Variants in TNR observed in about 807,000 individuals in gnomAD.
TNR encodes the protein tenascin R.
TNR carries 45 observed loss-of-function variants against 150.4 expected under a neutral mutation model. The ratio of observed to expected loss-of-function variants is 0.30; its 90% CI spans 0.24 to 0.38. The LOEUF is 0.38. Among genes scored for constraint, TNR ranks in the 10% least tolerant of loss-of-function variants. TNR has a pLI of 1.00. For missense variants in TNR, 1,544 were observed against 1,759.1 expected (o/e 0.88, Z 2.19); for synonymous variants, 687 against 678.4 (o/e 1.01, Z -0.20).
chr1:175,584,980 T>C (rs2102231717), intron 1 of TNR, among the ~76,000 whole-genome samples: 1 of 152,336 alleles, frequency 6.6e-6, no homozygotes, highest in South Asian at 2.1e-4. Flanking sequence ...CAGGGGTGTG[T>C]CTGCACGTCA....
chr1:175,648,854 CA>C (rs1444797653), intron 1 of TNR, among the ~76,000 whole-genome samples: 1 of 152,184 alleles, frequency 6.6e-6, no homozygotes, highest in Non-Finnish European at 1.5e-5. Flanking sequence ...TCTCAGGAGC[CA>C]CCCTTGCTAT....
intron 2 of TNR, among the ~76,000 whole-genome samples, chr1:175,506,035 G>C (rs1165437183): frequency 1.3e-5 from 2 of 152,236 alleles, no homozygotes; most frequent in Non-Finnish European, 2.9e-5. Flanking sequence ...GTGAGACTCT[G>C]TCTCAGAAAC....
chr1:175,552,199 T>C (rs1314959968), intron 1 of TNR, among the ~76,000 whole-genome samples: 11 of 152,204 alleles, frequency 7.2e-5, no homozygotes, highest in African/African-American at 1.9e-4. Flanking sequence ...CTATCTAATT[T>C]ACACAGTACC....
chr1:175,386,078 G>A lies in TNR; in HGVS notation c.1731C>T (p.Val577=). 2.5e-6 allele frequency: 4 copies of A among 1,610,254 alleles called. No individual in the cohort carries two copies. The highest frequency in any genetic ancestry group is 3.4e-6 in the Non-Finnish European group (4 of 1,177,140). ...CAGAATCGCTCTCGTTGGTCCCTCGGACGGCACTGACTGACACCTCGTATC... is the reference window on the plus strand; with the variant it reads ...CAGAATCGCTCTCGTTGGTCCCTCGAACGGCACTGACTGACACCTCGTATC... ...GSRYEVSVSA[V]RGTNESDSAT... Residue 577 remains valine, a synonymous_variant, in exon 8 of 23, where the codon GTC becomes GTT. Transcript: ENST00000367674.
At chr1:175,468,108 G>C (rs1657112428) in intron 2 of TNR, among the ~76,000 whole-genome samples, 1 of 152,178 alleles carries the variant, frequency 6.6e-6, no homozygotes, top group Non-Finnish European at 1.5e-5. Flanking sequence ...AGTGGGACAG[G>C]GTGTCTTGAT....
In TNR at chr1:175,462,632, T is replaced by C. The variant is rs61808379; in HGVS notation, c.-63-55855A>G. ...TTGGATTCTGCAGTAAAACAAGCAGTCTCAATATTTGGGTTCACTGGGAAC... is the reference window on the plus strand; with the variant it reads ...TTGGATTCTGCAGTAAAACAAGCAGCCTCAATATTTGGGTTCACTGGGAAC... On this transcript the variant is annotated intron_variant, in intron 2 of 22. Transcript: ENST00000367674. Among the ~76,000 whole-genome samples the C allele has an allele frequency of 8.6e-3, 1,312 of 152,288 alleles. 16 individuals are homozygous for C. The highest frequency in any genetic ancestry group is 0.046 in the South Asian group (219 of 4,810).
chr1:175,660,081 G>T (rs1290503045), intron 1 of TNR, among the ~76,000 whole-genome samples: 1 of 152,060 alleles, frequency 6.6e-6, no homozygotes, highest in African/African-American at 2.4e-5. Context: ...CCCTCTATGG[G>T]AGAATACAGT....
chr1:175,356,487 G>A, intron 15 of TNR, 25 bp from the exon 16 acceptor site: 3 of 1,613,024 alleles, frequency 1.9e-6, no homozygotes, highest in Non-Finnish European at 2.5e-6. Flanking sequence ...ATATGAATAA[G>A]GGTTGAATAA....
At chr1:175,392,423 T>C (rs1347646189) in intron 6 of TNR, among the ~76,000 whole-genome samples, 2 of 152,244 alleles carry the variant, frequency 1.3e-5, no homozygotes, top group Non-Finnish European at 2.9e-5. Flanking sequence ...TTAAACCATG[T>C]GGCCATGCAT....
chr1:175,724,313 C>T (rs937446879), intron 1 of TNR, among the ~76,000 whole-genome samples: 1 of 152,092 alleles, frequency 6.6e-6, no homozygotes, highest in Non-Finnish European at 1.5e-5. Context: ...AAAGGGGAGC[C>T]AGTACTTTAC....
chr1:175,520,657 T>C (rs1659600571), intron 2 of TNR, among the ~76,000 whole-genome samples: 1 of 152,102 alleles, frequency 6.6e-6, no homozygotes, highest in African/African-American at 2.4e-5. Flanking sequence ...CTTTGTTGCA[T>C]TGTGATTTTC....
At chr1:175,511,969 C>A (rs186423341) in intron 2 of TNR, among the ~76,000 whole-genome samples, 2 of 152,308 alleles carry the variant, frequency 1.3e-5, no homozygotes, top group Non-Finnish European at 2.9e-5. Flanking sequence ...TATTGGGTAA[C>A]CACTGTGATC....
intron 14 of TNR, among the ~76,000 whole-genome samples, chr1:175,359,951 G>A (rs555368860): frequency 7.9e-5 from 12 of 151,972 alleles, no homozygotes; most frequent in East Asian, 3.9e-4. Flanking sequence ...TCCCCCAGTC[G>A]CCCCCAGCTC....
intron 1 of TNR, among the ~76,000 whole-genome samples, chr1:175,687,141 TC>T (rs774563737): frequency 1.6e-4 from 25 of 152,256 alleles, no homozygotes; most frequent in Non-Finnish European, 2.9e-4. Context: ...GTCAGAGTCC[TC>T]CTGGGCTCAG....
chr1:175,342,520 A>G (rs1414372241), intron 18 of TNR, among the ~76,000 whole-genome samples: 2 of 152,162 alleles, frequency 1.3e-5, no homozygotes, highest in Non-Finnish European at 1.5e-5. Context: ...TTGGAGGAAG[A>G]GTCTTTTGGT....
intron 4 of TNR, among the ~76,000 whole-genome samples, chr1:175,402,443 T>C (rs1280747488): frequency 2.0e-5 from 3 of 150,946 alleles, no homozygotes; most frequent in Non-Finnish European, 4.4e-5. Context: ...GTGTAGACTA[T>C]ACATAGGGTT....
intron 6 of TNR, 64 bp from the exon 7 acceptor site, chr1:175,391,502 G>C: frequency 6.5e-7 from 1 of 1,542,732 alleles, no homozygotes; most frequent in Non-Finnish European, 8.8e-7. Context: ...TCTGATGAGA[G>C]AAAGATAAAG....
chr1:175,546,808 G>A (rs1660706176), intron 1 of TNR, among the ~76,000 whole-genome samples: 1 of 152,206 alleles, frequency 6.6e-6, no homozygotes, highest in Non-Finnish European at 1.5e-5. Flanking sequence ...ATGCGGGCAA[G>A]GGAAGCAGGT....
chr1:175,330,482 T>G (rs574774758), intron 20 of TNR: 68 of 344,356 alleles, frequency 2.0e-4, no homozygotes, highest in African/African-American at 1.3e-3. Flanking sequence ...TTCTAATACC[T>G]CCTCTTGACC....
Sources: gnomAD v4.1 joint callset for allele counts (sites outside exome capture counted in the v4.1 genomes callset) on GRCh38, gnomAD v4.1.1 for gene constraint, MANE v1.5 for transcripts, NCBI Gene and HGNC (gene_info 2026-07-23, HGNC 2026-07-21) for gene names.